CDK14: variants seen among roughly 807,000 people sequenced by gnomAD.
CDK14 encodes the protein cyclin-dependent kinase 14.
A neutral mutation model predicts 60.7 loss-of-function variants in CDK14; 34 were observed. The ratio of observed to expected loss-of-function variants is 0.56; its 90% confidence interval spans 0.43 to 0.75. The LOEUF (loss-of-function observed/expected upper bound fraction) is 0.75, where lower values mean the gene tolerates loss of function less well. Ranked by LOEUF, CDK14 falls within the 30% of genes least tolerant of loss-of-function variation. CDK14 has a pLI of 0.00. For synonymous variants in CDK14, 197 were observed against 203.7 expected (o/e 0.97, Z 0.28); for missense variants, 482 against 564.1 (o/e 0.85, Z 1.47).
intron 5 of CDK14, among the ~76,000 whole-genome samples, chr7:90,851,668 A>G (rs1226671922): frequency 2.6e-5 from 4 of 152,106 alleles, no homozygotes; most frequent in South Asian, 2.1e-4. Flanking sequence ...TCTTTCTCCA[A>G]TTCCTCTGTT....
Position 90,679,231 on chromosome 7 carries a change from G to A in CDK14, c.124-47336G>A, listed in dbSNP as rs530572222. On this transcript the variant is annotated intron_variant, in intron 2 of 14. Transcript: ENST00000380050. Reference sequence around the variant, plus strand: ...CCTCTCAAATGCTAGGATTACAGATGTTAGCTACTCTACCCAGCAGGAACA... The same window carrying A: ...CCTCTCAAATGCTAGGATTACAGATATTAGCTACTCTACCCAGCAGGAACA... Among the ~76,000 whole-genome samples the A allele has an allele frequency of 5.1e-4, 78 of 152,294 alleles. No individual in the cohort carries two copies. The South Asian group carries it at 0.013, about 25-fold the overall frequency.
At chr7:90,647,680 C>G (rs754396412) in intron 2 of CDK14, among the ~76,000 whole-genome samples, 8 of 152,056 alleles carry the variant, frequency 5.3e-5, no homozygotes, top group Non-Finnish European at 1.0e-4. Context: ...GTGGGAGCAG[C>G]TGAACTCTTT....
intron 8 of CDK14, among the ~76,000 whole-genome samples, chr7:90,944,236 A>G (rs1214342649): frequency 6.6e-6 from 1 of 152,204 alleles, no homozygotes; most frequent in African/African-American, 2.4e-5. Flanking sequence ...CTCACTTTCA[A>G]GTATTCTTTG....
chr7:90,940,282 TATGCCCCCTG>T (rs1584146453), intron 8 of CDK14, among the ~76,000 whole-genome samples: 1 of 152,218 alleles, frequency 6.6e-6, no homozygotes. Context: ...TAATACCTAA[TATGCCCCCTG>T]TTATTTATTT....
intron 2 of CDK14, among the ~76,000 whole-genome samples, chr7:90,609,526 G>A (rs1434064501): frequency 6.6e-6 from 1 of 152,124 alleles, no homozygotes; most frequent in Non-Finnish European, 1.5e-5. Flanking sequence ...TTGTTTAAAA[G>A]TGTGTAGCAC....
At chr7:90,849,452 G>A (rs1220685683) in intron 5 of CDK14, among the ~76,000 whole-genome samples, 2 of 151,900 alleles carry the variant, frequency 1.3e-5, no homozygotes, top group African/African-American at 4.9e-5. Flanking sequence ...ACTTATAATT[G>A]TTACTTTATC....
chr7:90,705,508 G>A lies in CDK14; in HGVS notation c.124-21059G>A, dbSNP rs1801878477. On this transcript the variant is annotated intron_variant, in intron 2 of 14. Transcript: ENST00000380050. ...TGTCTGAGATAGCTCCACGAAGGCT[G>A]ACATGAAACAAGGGTTTCTGAGTAC... 2.0e-5 allele frequency among the ~76,000 whole-genome samples: 3 copies of A among 151,956 alleles called. No homozygotes were observed. In the South Asian group the frequency reaches 6.2e-4, roughly 32 times the overall value.
chr7:90,875,078 C>T (rs1384795466), intron 6 of CDK14, among the ~76,000 whole-genome samples: 1 of 152,168 alleles, frequency 6.6e-6, no homozygotes, highest in Admixed American at 6.5e-5. Flanking sequence ...GATAGATTTG[C>T]CTGACATCTC....
chr7:91,166,843 G>C (rs369834304), intron 14 of CDK14, among the ~76,000 whole-genome samples: 6 of 152,192 alleles, frequency 3.9e-5, no homozygotes, highest in African/African-American at 1.4e-4. Flanking sequence ...TGTGCTCTTG[G>C]GCCTGCAGGT....
intron 2 of CDK14, among the ~76,000 whole-genome samples, chr7:90,701,489 A>G (rs1055408359): frequency 6.6e-6 from 1 of 152,188 alleles, no homozygotes; most frequent in Admixed American, 6.5e-5. Context: ...GTAGCTTTGT[A>G]AAAACCTTGA....
At chr7:91,010,831 T>TCCTTCCTTCCTTCCTTCCTC (rs1554403731) in intron 10 of CDK14, among the ~76,000 whole-genome samples, 1 of 64,016 alleles carries the variant, frequency 1.6e-5, no homozygotes, top group African/African-American at 7.4e-5. Context: ...CTTCCTTCCT[T>TCCTTCCTTCCTTCCTTCCTC]CCTCCCTCCC....
intron 2 of CDK14, among the ~76,000 whole-genome samples, chr7:90,634,751 A>T (rs909693596): frequency 2.0e-5 from 3 of 151,944 alleles, no homozygotes; most frequent in Admixed American, 6.6e-5. Flanking sequence ...TCCCACCAAC[A>T]GTGTAAAAGT....
intron 5 of CDK14, among the ~76,000 whole-genome samples, chr7:90,820,138 A>T (rs944032759): frequency 3.3e-5 from 5 of 152,102 alleles, no homozygotes; most frequent in Admixed American, 3.3e-4. Context: ...AAGTTAATAT[A>T]TTTTTTAGTA....
intron 5 of CDK14, among the ~76,000 whole-genome samples, chr7:90,809,191 C>T (rs897320638): frequency 2.0e-5 from 3 of 152,160 alleles, no homozygotes; most frequent in Non-Finnish European, 4.4e-5. Context: ...CCACACCACA[C>T]CTATTCCAAA....
chr7:90,699,800 G>A (rs1048331849), intron 2 of CDK14, among the ~76,000 whole-genome samples: 2 of 152,228 alleles, frequency 1.3e-5, no homozygotes, highest in Admixed American at 6.5e-5. Context: ...GTTATGATGG[G>A]GTCAGGCAGA....
intron 11 of CDK14, among the ~76,000 whole-genome samples, chr7:91,078,367 G>T (rs549834740): frequency 2.0e-5 from 3 of 152,190 alleles, no homozygotes; most frequent in Non-Finnish European, 4.4e-5. Flanking sequence ...AGCACTTTGG[G>T]AGGCCAAGGC....
At chr7:91,072,002 C>T (rs1463527170) in intron 11 of CDK14, among the ~76,000 whole-genome samples, 2 of 152,186 alleles carry the variant, frequency 1.3e-5, no homozygotes, top group African/African-American at 4.8e-5. Context: ...GGCTCAGGGG[C>T]AGAACTCTGA....
intron 4 of CDK14, among the ~76,000 whole-genome samples, chr7:90,751,852 AAAAC>A (rs930442838): frequency 2.9e-4 from 44 of 152,224 alleles, no homozygotes; most frequent in African/African-American, 9.4e-4. Context: ...ACTCAAATGG[AAAAC>A]AAACAAGAGC....
intron 11 of CDK14, among the ~76,000 whole-genome samples, chr7:91,057,152 A>G (rs1267270488): frequency 6.6e-6 from 1 of 152,136 alleles, no homozygotes; most frequent in African/African-American, 2.4e-5. Flanking sequence ...CATTTCTCTG[A>G]TGGCCAGTGA....
Sources: gnomAD v4.1 joint callset for allele counts (sites outside exome capture counted in the v4.1 genomes callset) on GRCh38, gnomAD v4.1.1 for gene constraint, MANE v1.5 for transcripts, NCBI Gene and HGNC (gene_info 2026-07-23, HGNC 2026-07-21) for gene names.